CLPSL2: variants seen among roughly 807,000 people sequenced by gnomAD.
The protein encoded by CLPSL2 is colipase like 2.
CLPSL2 carries 4 observed loss-of-function variants against 7.9 expected under a neutral mutation model. The observed-to-expected ratio is 0.50, with a 90% confidence interval of 0.25 to 1.15. CLPSL2 has a LOEUF of 1.15. CLPSL2 is among the 50% of genes most tolerant of loss of function. The pLI, the probability that CLPSL2 is intolerant of heterozygous loss-of-function variation, is 0.15. For missense variants in CLPSL2, 132 were observed against 136.6 expected (o/e 0.97, Z 0.17); for synonymous variants, 67 against 53.1 (o/e 1.26, Z -1.14).
intron 2 of CLPSL2, among the ~76,000 whole-genome samples, chr6:35,778,769 A>G (rs894315475): frequency 6.6e-6 from 1 of 152,156 alleles, no homozygotes; most frequent in Admixed American, 6.6e-5. Context: ...GCCTGACCCT[A>G]TAGCTGAAGT....
chr6:35,777,527 C>G lies in CLPSL2; in HGVS notation c.153C>G (p.Ser51=). 1 of 1,613,768 alleles carries G rather than the reference C, an allele frequency of 6.2e-7. No homozygotes were observed. The highest frequency in any genetic ancestry group is 1.3e-5 in the African/African-American group (1 of 75,036). The change falls in exon 2 of 3, where the codon TCC becomes TCG. Residue 51 remains serine (S), a synonymous_variant. Coordinates refer to ENST00000403376, the MANE Select transcript of CLPSL2 (RefSeq NM_207409.4). ...GCTGCTGCCTCATGGACTTGGACTCCGGTGGAGCCTTCTGTGCCCCCAGGG... is the reference window on the plus strand; with the variant it reads ...GCTGCTGCCTCATGGACTTGGACTCGGGTGGAGCCTTCTGTGCCCCCAGGG... The part of the protein sequence containing the change: ...YSGCCLMDLD[S]GGAFCAPRAR...
At chr6:35,778,555 T>C (rs1202483460) in intron 2 of CLPSL2, among the ~76,000 whole-genome samples, 3 of 152,190 alleles carry the variant, frequency 2.0e-5, no homozygotes, top group Non-Finnish European at 4.4e-5. Flanking sequence ...GTTGGGAAGA[T>C]TATGTGGTCC....
chr6:35,777,393 C>T, intron 1 of CLPSL2, 66 bp from the exon 2 acceptor site: 1 of 1,539,652 alleles, frequency 6.5e-7, no homozygotes, highest in Non-Finnish European at 8.9e-7. Context: ...TGGGAACCCT[C>T]CCCTACCCGC....
chr6:35,777,283 G>T (rs1429490785), intron 1 of CLPSL2, among the ~76,000 whole-genome samples, 176 bp from the exon 2 acceptor site: 2 of 148,956 alleles, frequency 1.3e-5, no homozygotes. Context: ...GCTGCCCTGG[G>T]TCCTGCTGAG....
intron 2 of CLPSL2, 78 bp from the exon 3 acceptor site, chr6:35,779,277 T>A: frequency 8.2e-7 from 1 of 1,215,090 alleles, no homozygotes; most frequent in Non-Finnish European, 1.2e-6. Flanking sequence ...GTACTCTTGG[T>A]TCTGGTCCCC....
chr6:35,776,669 G>A lies in CLPSL2; in HGVS notation c.51G>A (p.Leu17=). 6.7e-7 allele frequency: 1 copy of A among 1,484,896 alleles called. No individual in the cohort carries two copies. Among genetic ancestry groups the A allele is most frequent in the Non-Finnish European group, 8.9e-7 (1 of 1,125,350 alleles). 92.0% of individuals were successfully genotyped at this position (1,484,896 alleles called of 1,614,324 possible). Residue 17 remains leucine (L), a synonymous_variant, in exon 1 of 3, where the codon CTG becomes CTA. Coordinates refer to ENST00000403376, the MANE Select transcript of CLPSL2 (RefSeq NM_207409.4). The part of the protein sequence containing the change: ...LVAGVLSGAV[L]PLWSALPQYK... ...CGGGGGTCCTGTCGGGGGCGGTGCT[G>A]CCCCTCTGGAGCGCGCTTCCGCAAT...
At chr6:35,777,717 C>G in intron 2 of CLPSL2, 136 bp downstream of exon 2, 1 of 1,043,490 alleles carries the variant, frequency 9.6e-7, no homozygotes, top group African/African-American at 1.6e-5. Context: ...CAAACTCCTA[C>G]TCATGGTGCA....
intron 2 of CLPSL2, among the ~76,000 whole-genome samples, 178 bp from the exon 3 acceptor site, chr6:35,779,177 G>T (rs1767910163): frequency 6.6e-6 from 1 of 152,128 alleles, no homozygotes; most frequent in African/African-American, 2.4e-5. Flanking sequence ...GACAGATGAG[G>T]AAACCGAGCT....
In CLPSL2 at chr6:35,776,637, C is replaced by G. The variant is rs1031904519; in HGVS notation, c.19C>G (p.Leu7Val). 4.7e-6 allele frequency: 7 copies of G among 1,498,404 alleles called. No individual in the cohort carries two copies. In the Admixed American group the frequency reaches 1.5e-4, roughly 32 times the overall value. 92.8% of individuals were successfully genotyped at this position (1,498,404 alleles called of 1,614,324 possible). The stretch of plus-strand genomic sequence containing the variant: ...CAGGCCCATGGCCGCAGCCCTGGCG[C>G]TCGTGGCGGGGGTCCTGTCGGGGGC... Reference protein sequence around the residue: MAAALALVAGVLSGAVL... With the variant: MAAALAVVAGVLSGAVL... The change falls in exon 1 of 3, where the codon CTC becomes GTC. Residue 7 changes from leucine (L) to valine (V), a missense_variant. Transcript: ENST00000403376.
In CLPSL2 at chr6:35,779,241, C is replaced by T. The variant is rs969999068; in HGVS notation, c.208-114C>T. ...ACGCAGTTATAAGCTGTAGAGACAGCCCAGGTCTGTCTTACTCCAGGCCTG... is the reference window on the plus strand; with the variant it reads ...ACGCAGTTATAAGCTGTAGAGACAGTCCAGGTCTGTCTTACTCCAGGCCTG... On this transcript the variant is annotated intron_variant, in intron 2 of 2. Coordinates refer to ENST00000403376, the MANE Select transcript of CLPSL2 (RefSeq NM_207409.4). 58 of 768,654 alleles carry T rather than the reference C, an allele frequency of 7.5e-5. No homozygotes were observed. The African/African-American group carries it at 8.5e-4, about 11-fold the overall frequency. 47.6% of individuals were successfully genotyped at this position (768,654 alleles called of 1,614,324 possible).
At chr6:35,779,263 C>A in intron 2 of CLPSL2, 92 bp from the exon 3 acceptor site, 1 of 1,036,348 alleles carries the variant, frequency 9.6e-7, no homozygotes, top group Non-Finnish European at 1.4e-6. Context: ...TTACTCCAGG[C>A]CTGGTACTCT....
intron 2 of CLPSL2, among the ~76,000 whole-genome samples, chr6:35,778,779 T>C (rs1026724318): frequency 6.6e-6 from 1 of 152,160 alleles, no homozygotes; most frequent in Non-Finnish European, 1.5e-5. Context: ...ATAGCTGAAG[T>C]GGCTAGAGGG....
Position 35,779,396 on chromosome 6 carries a change from C to T in CLPSL2, c.249C>T (p.Gly83=). The T allele has an allele frequency of 6.3e-7, 1 of 1,586,252 alleles. No individual in the cohort carries two copies. Among genetic ancestry groups the T allele is most frequent in the Non-Finnish European group, 8.6e-7 (1 of 1,165,394 alleles). The change falls in exon 3 of 3, where the codon GGC becomes GGT. Residue 83 remains glycine (G), a synonymous_variant. Coordinates refer to ENST00000403376, the MANE Select transcript of CLPSL2 (RefSeq NM_207409.4). ...ATNIICPCRM[G]LTCISKDLMC... ...ACATCATCTGCCCTTGCCGGATGGG[C>T]TTGACGTGCATATCCAAGGACTTGA...
In CLPSL2 at chr6:35,777,502, G is replaced by C. The variant is rs1215564667; in HGVS notation, c.128G>C (p.Gly43Ala). The change falls in exon 2 of 3, where the codon GGC becomes GCC. Residue 43 changes from glycine (G) to alanine (A), a missense_variant. Physicochemically the swap from Gly to Ala is moderately conservative, Grantham distance 60. Transcript: ENST00000403376. ...TTCCACCACTCTGAGTGCTACAGTG[G>C]CTGCTGCCTCATGGACTTGGACTCC... ...RCFHHSECYS[G>A]CCLMDLDSGG... 1 of 1,613,644 alleles carries C rather than the reference G, an allele frequency of 6.2e-7. No individual in the cohort carries two copies. The highest frequency in any genetic ancestry group is 8.5e-7 in the Non-Finnish European group (1 of 1,179,782).
chr6:35,777,509 C>T lies in CLPSL2; in HGVS notation c.135C>T (p.Cys45=), dbSNP rs1767865671. 2 of 1,613,612 alleles carry T rather than the reference C, an allele frequency of 1.2e-6. No individual in the cohort carries two copies. Among genetic ancestry groups the T allele is most frequent in the Admixed American group, 1.7e-5 (1 of 60,002 alleles). The change falls in exon 2 of 3, where the codon TGC becomes TGT. Residue 45 remains cysteine (C), a synonymous_variant. Transcript: ENST00000403376. ...ACTCTGAGTGCTACAGTGGCTGCTGCCTCATGGACTTGGACTCCGGTGGAG... is the reference window on the plus strand; with the variant it reads ...ACTCTGAGTGCTACAGTGGCTGCTGTCTCATGGACTTGGACTCCGGTGGAG... The part of the protein sequence containing the change: ...FHHSECYSGC[C]LMDLDSGGAF...
At chr6:35,776,930 C>T (rs1354454325) in intron 1 of CLPSL2, 3 of 410,544 alleles carry the variant, frequency 7.3e-6, no homozygotes, top group Non-Finnish European at 1.3e-5. Context: ...CACCCTCGCT[C>T]CCTCCACCTC....
In CLPSL2 at chr6:35,776,608, C is replaced by A. The variant is rs1033286346; in HGVS notation, c.-11C>A. ...CCTCGGAACCCCGCCGCTGCTCTGC[C>A]GCCCAGGCCCATGGCCGCAGCCCTG... is the stretch of plus-strand genomic sequence containing the variant. On this transcript the variant is annotated 5_prime_UTR_variant, in exon 1 of 3. Transcript: ENST00000403376. The A allele has an allele frequency of 1.3e-6, 2 of 1,497,798 alleles. No individual in the cohort carries two copies. Among genetic ancestry groups the A allele is most frequent in the African/African-American group, 1.5e-5 (1 of 68,898 alleles). The allele number at this position is 1,497,798 out of a possible 1,614,324, so 92.8% of individuals were successfully genotyped here. A position where few individuals can be genotyped will look rare whatever the true frequency, so the allele number is the denominator to read the frequency against.
At chr6:35,777,971 T>C (rs779006403) in intron 2 of CLPSL2, 1 of 710,716 alleles carries the variant, frequency 1.4e-6, no homozygotes. Flanking sequence ...GTTTGTTTGT[T>C]TCGAGATGGA....
intron 2 of CLPSL2, 74 bp downstream of exon 2, chr6:35,777,655 C>A: frequency 6.8e-7 from 1 of 1,473,282 alleles, no homozygotes; most frequent in Non-Finnish European, 9.1e-7. Flanking sequence ...AACACCTGGC[C>A]CCACCTGTTT....
Sources: allele counts gnomAD v4.1 joint callset (sites outside exome capture counted in the v4.1 genomes callset), GRCh38; gene constraint gnomAD v4.1.1; transcripts MANE v1.5; gene names NCBI Gene and HGNC (gene_info 2026-07-23, HGNC 2026-07-21).